The following XPC variants were observed in gnomAD, a reference collection of about 807,000 sequenced individuals.
XPC encodes the protein DNA repair protein complementing XP-C cells.
In XPC, 76 loss-of-function variants were observed where a neutral mutation model predicts 95.8. The ratio of observed to expected loss-of-function variants is 0.79; its 90% CI spans 0.66 to 0.96. XPC has a LOEUF of 0.96. Among genes scored for constraint, XPC ranks in the 40% least tolerant of loss-of-function variants. The pLI is 0.00. For synonymous variants in XPC, 442 were observed against 442.1 expected, an observed-to-expected ratio of 1.00 and a Z score of 0.00; for missense variants, 1,146 against 1,179.8, an observed-to-expected ratio of 0.97 and a Z score of 0.42.
chr3:14,164,799 G>T lies in XPC; in HGVS notation c.900+14C>A, dbSNP rs1158268139. On this transcript the variant is annotated intron_variant, in intron 7 of 15. Coordinates refer to ENST00000285021, the MANE Select transcript of XPC (RefSeq NM_004628.5). The stretch of plus-strand genomic sequence containing the variant: ...AGTACTGATAAAAAACAGTGATCCG[G>T]GAGGATCACTTACATGGACCAATTC... 2 of 1,610,604 alleles carry T rather than the reference G, an allele frequency of 1.2e-6. No individual in the cohort carries two copies. The highest frequency in any genetic ancestry group is 2.7e-5 in the African/African-American group (2 of 74,750).
intron 3 of XPC, among the ~76,000 whole-genome samples, chr3:14,169,864 TA>T (rs1356775994): frequency 6.6e-6 from 1 of 152,160 alleles, no homozygotes; most frequent in Non-Finnish European, 1.5e-5. Context: ...ACTTTCAAAA[TA>T]AAAAGGTGAG....
chr3:14,169,870 G>T (rs1278938007), intron 3 of XPC, among the ~76,000 whole-genome samples: 2 of 152,162 alleles, frequency 1.3e-5, no homozygotes, highest in Non-Finnish European at 2.9e-5. Context: ...AAAATAAAAA[G>T]GTGAGGAAAA....
At chr3:14,162,516 C>T (rs1043208181) in intron 7 of XPC, among the ~76,000 whole-genome samples, 1 of 152,200 alleles carries the variant, frequency 6.6e-6, no homozygotes, top group African/African-American at 2.4e-5. Flanking sequence ...GATGCCATGA[C>T]CATCCAAGCC....
intron 1 of XPC, among the ~76,000 whole-genome samples, chr3:14,176,633 C>T (rs1696826997): frequency 6.6e-6 from 1 of 152,124 alleles, no homozygotes. Context: ...GGTAAATCAC[C>T]TCCTAAGTTT....
At chr3:14,160,381 C>T (rs966645826) in intron 7 of XPC, among the ~76,000 whole-genome samples, 2 of 152,218 alleles carry the variant, frequency 1.3e-5, no homozygotes, top group Non-Finnish European at 2.9e-5. Context: ...AAGCTGTTAA[C>T]TTGGAAGTCT....
At chr3:14,166,797 T>C (rs545696588) in intron 5 of XPC, among the ~76,000 whole-genome samples, 1 of 152,310 alleles carries the variant, frequency 6.6e-6, no homozygotes, top group African/African-American at 2.4e-5. Context: ...ATCCCCACCA[T>C]GCCAAGCACC....
chr3:14,159,822 T>G lies in XPC; in HGVS notation c.909A>C (p.Leu303Phe). 1 of 1,554,484 alleles carries G rather than the reference T, an allele frequency of 6.4e-7. No individual in the cohort carries two copies. Among genetic ancestry groups the G allele is most frequent in the Non-Finnish European group, 8.7e-7 (1 of 1,148,472 alleles). Residue 303 changes from leucine (L) to phenylalanine (F), a missense_variant, in exon 8 of 16, where the codon TTA becomes TTC. Physicochemically the swap from Leu to Phe is conservative, Grantham distance 22. Coordinates refer to ENST00000285021, the MANE Select transcript of XPC (RefSeq NM_004628.5). ...RDDEELVHIF[L>F]LILRALQLLT... is the part of the protein sequence containing the mutation. ...AGAGCTGCAGAGCCCGGAGAATCAG[T>G]AAGAATATCTATGATGAAAAGGAAG... is the stretch of plus-strand genomic sequence containing the variant.
intron 2 of XPC, among the ~76,000 whole-genome samples, chr3:14,171,248 G>A (rs1277900648): frequency 1.3e-5 from 2 of 152,214 alleles, no homozygotes; most frequent in African/African-American, 2.4e-5. Context: ...GGTACCAAGT[G>A]AGAATATTAT....
At chr3:14,149,871 G>A (rs910246250) in intron 11 of XPC, 2 of 152,174 alleles carry the variant, frequency 1.3e-5, no homozygotes, top group Non-Finnish European at 2.9e-5. Context: ...TAAATGATTT[G>A]CCTAAAGTCA....
chr3:14,155,124 CCCA>C (rs1695850027), intron 10 of XPC, among the ~76,000 whole-genome samples: 1 of 152,134 alleles, frequency 6.6e-6, no homozygotes, highest in African/African-American at 2.4e-5. Flanking sequence ...CATCATGCCC[CCCA>C]CCGACATCAA....
chr3:14,145,800 C>A lies in XPC; in HGVS notation c.*141G>T, dbSNP rs769976942. On this transcript the variant is annotated 3_prime_UTR_variant, in exon 16 of 16. Coordinates refer to ENST00000285021, the MANE Select transcript of XPC (RefSeq NM_004628.5). ...TCAGCTTGGCCTCGTCTCCCCTGAC[C>A]CCGCCTCCGTGCATGCTGCCTCAGT... is the stretch of plus-strand genomic sequence containing the variant. The A allele has an allele frequency of 1.3e-5, 14 of 1,072,372 alleles. No individual in the cohort carries two copies. The African/African-American group carries it at 1.4e-4, about 11-fold the overall frequency. 66.4% of individuals were successfully genotyped at this position (1,072,372 alleles called of 1,614,324 possible).
chr3:14,145,207 G>A lies in XPC; in HGVS notation c.*734C>T, dbSNP rs1035890848. ...ATAAAAGTCATTTCTCCTTAGTACA[G>A]AGAGCTTTATACATTTTATCTAGTA... On this transcript the variant is annotated 3_prime_UTR_variant, in exon 16 of 16. Coordinates refer to ENST00000285021, the MANE Select transcript of XPC (RefSeq NM_004628.5). 5.0e-6 allele frequency: 3 copies of A among 595,960 alleles called. No individual in the cohort carries two copies. Among genetic ancestry groups the A allele is most frequent in the Non-Finnish European group, 9.0e-6 (3 of 333,852 alleles). The allele number at this position is 595,960 out of a possible 1,614,324, so 36.9% of individuals were successfully genotyped here. A position where few individuals can be genotyped will look rare whatever the true frequency, so the allele number is the denominator to read the frequency against.
chr3:14,177,950 G>A (rs1193014640), intron 1 of XPC, among the ~76,000 whole-genome samples: 1 of 152,146 alleles, frequency 6.6e-6, no homozygotes, highest in Non-Finnish European at 1.5e-5. Context: ...TATTGAGACT[G>A]GAAAAACGGA....
In XPC at chr3:14,145,915, G is replaced by A. The variant is rs2125004266; in HGVS notation, c.*26C>T. 2 of 1,591,044 alleles carry A rather than the reference G, an allele frequency of 1.3e-6. No homozygotes were observed. Among genetic ancestry groups the A allele is most frequent in the African/African-American group, 1.3e-5 (1 of 74,262 alleles). Reference sequence around the variant, plus strand: ...CTGTAGTGGGGCAGCAGCAACTGGTGGGTGCCCCTCTAGTGGGCGCTCAGC... The same window carrying A: ...CTGTAGTGGGGCAGCAGCAACTGGTAGGTGCCCCTCTAGTGGGCGCTCAGC... On this transcript the variant is annotated 3_prime_UTR_variant, in exon 16 of 16. Transcript: ENST00000285021.
At position 14,164,867 on chromosome 3, in the gene XPC, T is replaced by C. The variant is rs779392154; in HGVS notation, c.846A>G (p.Thr282=). ...SASEQDNLQT[T]LERRFAIYSA... ...AGTAAATAGCAAATCTCCTTTCCAA[T>C]GTAGTCTGCAGGTTATCTTGTTCAC... The change falls in exon 7 of 16, where the codon ACA becomes ACG. Residue 282 remains threonine, a synonymous_variant. Transcript: ENST00000285021. 18 of 1,612,950 alleles carry C rather than the reference T, an allele frequency of 1.1e-5. No homozygotes were observed. The highest frequency in any genetic ancestry group is 4.0e-5 in the African/African-American group (3 of 74,868).
At chr3:14,155,270 T>C (rs73142649) in intron 10 of XPC, among the ~76,000 whole-genome samples, 3,536 of 152,340 alleles carry the variant, frequency 0.023, 126 homozygotes, top group African/African-American at 0.078. Context: ...TTCCCTACGC[T>C]TCCTTTTTCT....
At chr3:14,162,106 T>A (rs1011721548) in intron 7 of XPC, among the ~76,000 whole-genome samples, 1 of 152,138 alleles carries the variant, frequency 6.6e-6, no homozygotes, top group Non-Finnish European at 1.5e-5. Context: ...GGTAAAAGGC[T>A]GTACACTGAA....
At chr3:14,170,774 T>TA (rs1462741529) in intron 2 of XPC, among the ~76,000 whole-genome samples, 3 of 152,154 alleles carry the variant, frequency 2.0e-5, no homozygotes, top group East Asian at 3.9e-4. Context: ...GATGTGCTGT[T>TA]AAAAAACCTA....
At chr3:14,147,028 C>G (rs1022973878) in intron 15 of XPC, among the ~76,000 whole-genome samples, 1 of 152,170 alleles carries the variant, frequency 6.6e-6, no homozygotes, top group Non-Finnish European at 1.5e-5. Context: ...CAAATCAGAC[C>G]CATGGCATTG....
Sources: gnomAD v4.1 joint callset for allele counts (sites outside exome capture counted in the v4.1 genomes callset) on GRCh38, gnomAD v4.1.1 for gene constraint, MANE v1.5 for transcripts, NCBI Gene and HGNC (gene_info 2026-07-23, HGNC 2026-07-21) for gene names.